SNX25: variants seen among roughly 807,000 people sequenced by gnomAD.
The protein encoded by SNX25 is sorting nexin 25.
Under a neutral mutation model 113.7 loss-of-function variants are expected in SNX25, and 62 were observed. The ratio of observed to expected loss-of-function variants is 0.55; its 90% CI spans 0.44 to 0.67. The LOEUF (loss-of-function observed/expected upper bound fraction) is 0.67. SNX25 is among the 30% of genes least tolerant of loss of function. SNX25 has a pLI of 0.00. For synonymous variants in SNX25, 421 were observed against 436.2 expected, an observed-to-expected ratio of 0.97 and a Z score of 0.43; for missense variants, 1,014 against 1,161.0, an observed-to-expected ratio of 0.87 and a Z score of 1.84.
downstream of SNX25, among the ~76,000 whole-genome samples, chr4:185,368,535 T>C (rs1026264435): frequency 6.6e-6 from 1 of 152,184 alleles, no homozygotes; most frequent in African/African-American, 2.4e-5. Flanking sequence ...CGGGACACCT[T>C]GTGTCCTTTT....
At chr4:185,378,261 CAA>C in the SNX25 span, 9 of 1,591,040 alleles carry the variant, frequency 5.7e-6, 2 homozygotes, top group South Asian at 4.6e-5. Context: ...CAGCGAAGTG[CAA>C]AGAGAGACTC....
chr4:185,263,437 G>A (rs1381808664), intron 3 of SNX25, among the ~76,000 whole-genome samples: 1 of 152,076 alleles, frequency 6.6e-6, no homozygotes, highest in Non-Finnish European at 1.5e-5. Flanking sequence ...TATGCATAAA[G>A]GCTTATTCTA....
chr4:185,231,989 G>C (rs1428010532), intron 1 of SNX25, among the ~76,000 whole-genome samples: 2 of 152,128 alleles, frequency 1.3e-5, no homozygotes, highest in Non-Finnish European at 2.9e-5. Flanking sequence ...GTGGGGCCCA[G>C]CTTTTCACTT....
intron 10 of SNX25, among the ~76,000 whole-genome samples, chr4:185,333,414 T>G (rs186009336): frequency 1.7e-4 from 26 of 152,338 alleles, no homozygotes; most frequent in Non-Finnish European, 3.4e-4. Context: ...TAAAGCAATT[T>G]CAGTGACTCA....
downstream of SNX25, chr4:185,370,660 C>A: frequency 4.3e-6 from 7 of 1,613,900 alleles, no homozygotes; most frequent in Non-Finnish European, 5.9e-6. Context: ...TAGTGTTTAG[C>A]GGTTGTTTCA....
intron 7 of SNX25, among the ~76,000 whole-genome samples, chr4:185,313,803 A>G (rs548137297): frequency 1.3e-5 from 2 of 152,320 alleles, no homozygotes; most frequent in South Asian, 4.1e-4. Flanking sequence ...CCCATATCCT[A>G]CTATTAACTG....
chr4:185,293,071 A>G (rs1044849942), intron 6 of SNX25, among the ~76,000 whole-genome samples: 2 of 152,270 alleles, frequency 1.3e-5, no homozygotes, highest in Non-Finnish European at 2.9e-5. Flanking sequence ...CTCGATAATC[A>G]AAAGAGCAAT....
intron 5 of SNX25, among the ~76,000 whole-genome samples, chr4:185,275,197 C>T (rs1383904743): frequency 6.6e-6 from 1 of 152,066 alleles, no homozygotes; most frequent in East Asian, 1.9e-4. Context: ...AGTCTTTATT[C>T]GATGTTTCAG....
chr4:185,344,090 G>A (rs1282073546), intron 12 of SNX25, among the ~76,000 whole-genome samples: 4 of 152,088 alleles, frequency 2.6e-5, no homozygotes, highest in African/African-American at 9.7e-5. Context: ...GTGTGGTGGT[G>A]CACGCTTGTA....
At chr4:185,370,970 C>T (rs1336100311), downstream of SNX25, 2 of 659,110 alleles carry the variant, frequency 3.0e-6, no homozygotes, top group Non-Finnish European at 5.1e-6. Flanking sequence ...TCCATGTAGG[C>T]ACCTCATACC....
At chr4:185,222,630 T>A (rs1260452815) in intron 1 of SNX25, among the ~76,000 whole-genome samples, 1 of 152,232 alleles carries the variant, frequency 6.6e-6, no homozygotes, top group Non-Finnish European at 1.5e-5. Context: ...GGATGGCTCC[T>A]GGTGTTTCCT....
chr4:185,355,716 A>T lies in SNX25; in HGVS notation c.2585-1955A>T, dbSNP rs372743230. Among the ~76,000 whole-genome samples, 233 of 152,392 alleles carry T rather than the reference A, an allele frequency of 1.5e-3. 5 individuals are homozygous for T. In the South Asian group the frequency reaches 0.046, roughly 30 times the overall value. On this transcript the variant is annotated intron_variant, in intron 15 of 18. Coordinates refer to ENST00000652585, the MANE Select transcript of SNX25 (RefSeq NM_001378034.2). The stretch of plus-strand genomic sequence containing the variant: ...ATATTTGAGACACTTTAAGACATAT[A>T]CAGTGATGTTTAACTTGATTCAATA...
chr4:185,304,073 T>G (rs1466782502), intron 6 of SNX25, among the ~76,000 whole-genome samples: 1 of 152,234 alleles, frequency 6.6e-6, no homozygotes, highest in Non-Finnish European at 1.5e-5. Context: ...ACTTCAAATC[T>G]TGACTAGTCC....
chr4:185,378,404 C>T, the SNX25 span: 12 of 1,361,318 alleles, frequency 8.8e-6, no homozygotes, highest in African/African-American at 1.5e-5. Context: ...TGAGAGACAG[C>T]CATTCTCCAT....
chr4:185,362,641 A>G lies in SNX25; in HGVS notation c.2864A>G (p.Asn955Ser). The G allele has an allele frequency of 6.2e-7, 1 of 1,614,142 alleles. No homozygotes were observed. The highest frequency in any genetic ancestry group is 1.1e-5 in the South Asian group (1 of 91,078). Residue 955 changes from asparagine to serine, a missense_variant, in exon 18 of 19, where the codon AAT becomes AGT. Coordinates refer to ENST00000652585, the MANE Select transcript of SNX25 (RefSeq NM_001378034.2). Reference protein sequence around the residue: ...DMLQSLVGQQNARHGIIKIFN... With the variant: ...DMLQSLVGQQSARHGIIKIFN... ...CTTCAGAGCCTTGTTGGACAGCAAAATGCCCGCCACGGTATAATAAAAATA... is the reference window on the plus strand; with the variant it reads ...CTTCAGAGCCTTGTTGGACAGCAAAGTGCCCGCCACGGTATAATAAAAATA...
At chr4:185,373,362 A>G (rs768171428), downstream of SNX25, among the ~76,000 whole-genome samples, 4 of 152,172 alleles carry the variant, frequency 2.6e-5, no homozygotes, top group Non-Finnish European at 5.9e-5. Flanking sequence ...GGGGATCTTC[A>G]GAGTAAGGAT....
chr4:185,343,739 G>A (rs894462395), intron 12 of SNX25, among the ~76,000 whole-genome samples: 2 of 151,986 alleles, frequency 1.3e-5, no homozygotes, highest in African/African-American at 4.8e-5. Flanking sequence ...TTGAATTTAG[G>A]TCCATTTTTC....
intron 1 of SNX25, among the ~76,000 whole-genome samples, chr4:185,233,946 C>T (rs943316168): frequency 1.3e-5 from 2 of 152,122 alleles, no homozygotes; most frequent in African/African-American, 2.4e-5. Context: ...TAAACTCTGC[C>T]TCCCGGGTTC....
chr4:185,362,945 T>C (rs1169758940), intron 18 of SNX25, among the ~76,000 whole-genome samples: 1 of 150,280 alleles, frequency 6.7e-6, no homozygotes, highest in African/African-American at 2.5e-5. Flanking sequence ...TGGGTTCAAG[T>C]GATTCTCCTG....
Sources: gnomAD v4.1 joint callset for allele counts (sites outside exome capture counted in the v4.1 genomes callset) on GRCh38, gnomAD v4.1.1 for gene constraint, MANE v1.5 for transcripts, NCBI Gene and HGNC (gene_info 2026-07-23, HGNC 2026-07-21) for gene names.